SPOCK1: variants seen among roughly 807,000 people sequenced by gnomAD.
The protein encoded by SPOCK1 is SPARC (osteonectin), cwcv and kazal like domains proteoglycan 1, also known as testican-1.
SPOCK1 carries 23 observed loss-of-function variants against 55.3 expected under a neutral mutation model. The ratio of observed to expected loss-of-function variants is 0.42; its 90% confidence interval spans 0.30 to 0.59. The LOEUF (loss-of-function observed/expected upper bound fraction) is 0.59. Among genes scored for constraint, SPOCK1 ranks in the 20% least tolerant of loss-of-function variants. The pLI is 0.22. For missense variants in SPOCK1, 499 were observed against 552.5 expected (o/e 0.90, Z 0.97); for synonymous variants, 226 against 221.0 (o/e 1.02, Z -0.20).
chr5:137,453,690 A>G (rs1427655189), intron 2 of SPOCK1, among the ~76,000 whole-genome samples: 1 of 152,194 alleles, frequency 6.6e-6, no homozygotes, highest in African/African-American at 2.4e-5. Context: ...GACAGTTCCA[A>G]TTAGCATTGC....
At chr5:137,366,904 A>T (rs1751083630) in intron 2 of SPOCK1, among the ~76,000 whole-genome samples, 1 of 152,230 alleles carries the variant, frequency 6.6e-6, no homozygotes, top group Admixed American at 6.5e-5. Context: ...GTATCAGACC[A>T]AGTAACTGAG....
chr5:137,082,791 T>C (rs1398688558), intron 5 of SPOCK1, among the ~76,000 whole-genome samples: 1 of 152,182 alleles, frequency 6.6e-6, no homozygotes, highest in Non-Finnish European at 1.5e-5. Context: ...CATTACATAT[T>C]CAGTCCTCAG....
intron 3 of SPOCK1, among the ~76,000 whole-genome samples, chr5:137,182,752 C>T (rs1446052241): frequency 6.6e-6 from 1 of 152,138 alleles, no homozygotes; most frequent in East Asian, 1.9e-4. Flanking sequence ...GTCAAGAGTC[C>T]CTGAGCTAAA....
At chr5:137,124,259 C>T (rs1753738885) in intron 4 of SPOCK1, among the ~76,000 whole-genome samples, 1 of 152,202 alleles carries the variant, frequency 6.6e-6, no homozygotes, top group Admixed American at 6.5e-5. Flanking sequence ...TGGCAGAGAG[C>T]AGCAGCTGCA....
intron 2 of SPOCK1, among the ~76,000 whole-genome samples, chr5:137,323,777 C>G (rs938648530): frequency 1.3e-5 from 2 of 152,072 alleles, no homozygotes; most frequent in Admixed American, 1.3e-4. Context: ...AACCACAATA[C>G]GATATTACCT....
intron 3 of SPOCK1, among the ~76,000 whole-genome samples, chr5:137,204,820 G>T (rs772790875): frequency 3.3e-5 from 5 of 152,004 alleles, no homozygotes; most frequent in African/African-American, 1.2e-4. Flanking sequence ...CTCATATCCC[G>T]CTCTTTTCCC....
intron 2 of SPOCK1, among the ~76,000 whole-genome samples, chr5:137,435,252 C>T (rs1363002889): frequency 2.6e-5 from 4 of 152,204 alleles, no homozygotes. Flanking sequence ...GGTTGCATCT[C>T]TAATTAATTC....
intron 2 of SPOCK1, among the ~76,000 whole-genome samples, chr5:137,285,210 T>C (rs1424472848): frequency 6.6e-6 from 1 of 152,228 alleles, no homozygotes; most frequent in African/African-American, 2.4e-5. Context: ...TGGTCATTGC[T>C]TGTCTTCCTG....
chr5:137,103,521 A>C (rs1561610240), intron 5 of SPOCK1, among the ~76,000 whole-genome samples: 1 of 152,194 alleles, frequency 6.6e-6, no homozygotes, highest in Non-Finnish European at 1.5e-5. Context: ...GAAGCTCAGC[A>C]ATTCTAATCA....
At chr5:137,298,873 C>T (rs1031300260) in intron 2 of SPOCK1, among the ~76,000 whole-genome samples, 2 of 152,018 alleles carry the variant, frequency 1.3e-5, no homozygotes, top group South Asian at 4.1e-4. Context: ...TCAACCTACC[C>T]ATTTCTCTAT....
chr5:137,418,905 G>A (rs2149824759), intron 2 of SPOCK1, among the ~76,000 whole-genome samples: 1 of 152,282 alleles, frequency 6.6e-6, no homozygotes, highest in African/African-American at 2.4e-5. Flanking sequence ...TATTGCCAAG[G>A]TTTTCTTCTA....
At chr5:137,463,969 A>G (rs1396623893) in intron 2 of SPOCK1, among the ~76,000 whole-genome samples, 2 of 151,884 alleles carry the variant, frequency 1.3e-5, no homozygotes, top group Non-Finnish European at 2.9e-5. Context: ...AAATAACTAA[A>G]AGAATGTAAC....
At chr5:137,035,733 G>C (rs1466919665) in intron 6 of SPOCK1, among the ~76,000 whole-genome samples, 1 of 152,214 alleles carries the variant, frequency 6.6e-6, no homozygotes, top group African/African-American at 2.4e-5. Flanking sequence ...AGCTGGAGCT[G>C]TGGTGGGGAG....
intron 5 of SPOCK1, among the ~76,000 whole-genome samples, chr5:137,111,860 A>C (rs1437529550): frequency 6.6e-6 from 1 of 152,054 alleles, no homozygotes; most frequent in Admixed American, 6.6e-5. Context: ...TCTGTGAAAC[A>C]ATTTTCTTGT....
intron 3 of SPOCK1, among the ~76,000 whole-genome samples, chr5:137,238,998 G>T (rs897031975): frequency 1.3e-5 from 2 of 152,210 alleles, no homozygotes; most frequent in Non-Finnish European, 2.9e-5. Context: ...TTCACAGTAA[G>T]ATCCTTTTAA....
At chr5:137,461,680 T>C (rs1023961108) in intron 2 of SPOCK1, among the ~76,000 whole-genome samples, 2 of 152,326 alleles carry the variant, frequency 1.3e-5, no homozygotes, top group Admixed American at 1.3e-4. Flanking sequence ...TGAGGCTTTA[T>C]GAAAAGCAGA....
chr5:137,200,780 C>T lies in SPOCK1; in HGVS notation c.233-60086G>A, dbSNP rs561853307. 5.9e-5 allele frequency among the ~76,000 whole-genome samples: 9 copies of T among 152,182 alleles called. No homozygotes were observed. In the South Asian group the frequency reaches 1.9e-3, roughly 32 times the overall value. ...ACCATCTAGTTTTAAGCCCCTCATG[C>T]ATTAGGTATTTGTTGGAATCCCTCT... On this transcript the variant is annotated intron_variant, in intron 3 of 10. Coordinates refer to ENST00000394945, the MANE Select transcript of SPOCK1 (RefSeq NM_004598.4).
At chr5:137,002,626 AC>A (rs1751173521) in intron 6 of SPOCK1, among the ~76,000 whole-genome samples, 1 of 152,234 alleles carries the variant, frequency 6.6e-6, no homozygotes, top group South Asian at 2.1e-4. Flanking sequence ...CAGCAGTTTT[AC>A]TGAAGGATTT....
At chr5:137,401,676 T>C (rs1239628823) in intron 2 of SPOCK1, among the ~76,000 whole-genome samples, 2 of 152,040 alleles carry the variant, frequency 1.3e-5, no homozygotes, top group African/African-American at 4.8e-5. Flanking sequence ...GTCCAGGAGT[T>C]TGAGGTTACA....
Sources: allele counts gnomAD v4.1 joint callset (sites outside exome capture counted in the v4.1 genomes callset), GRCh38; gene constraint gnomAD v4.1.1; transcripts MANE v1.5; gene names NCBI Gene and HGNC (gene_info 2026-07-23, HGNC 2026-07-21).